The following NFKB1 variants were observed in gnomAD, a reference collection of about 807,000 sequenced individuals.
The protein encoded by NFKB1 is nuclear factor kappa B subunit 1.
NFKB1 carries 9 observed loss-of-function variants against 105.1 expected under a neutral mutation model. The observed-to-expected ratio is 0.09, with a 90% CI of 0.05 to 0.15. The LOEUF (loss-of-function observed/expected upper bound fraction) is 0.15. NFKB1 is among the 10% of genes least tolerant of loss of function. The probability of loss-of-function intolerance (pLI) is 1.00; values close to 1 mark genes in which losing one functional copy is unlikely to be tolerated. For missense variants in NFKB1, 830 were observed against 1,203.7 expected (o/e 0.69, Z 4.59); for synonymous variants, 440 against 442.2 (o/e 1.00, Z 0.06).
chr4:102,613,678 C>T (rs941274357), intron 23 of NFKB1, 97 bp downstream of exon 23: 15 of 1,374,928 alleles, frequency 1.1e-5, no homozygotes, highest in African/African-American at 8.7e-5. Context: ...TTTTCTTTCT[C>T]GTTTTCTGGA....
intron 6 of NFKB1, among the ~76,000 whole-genome samples, chr4:102,573,869 A>G (rs1044700196): frequency 6.6e-5 from 10 of 151,652 alleles, no homozygotes. Flanking sequence ...TGCAATTTCT[A>G]TAGATTTGTT....
chr4:102,572,720 T>TTGGTGGC (rs1724486127), intron 6 of NFKB1, among the ~76,000 whole-genome samples: 1 of 152,230 alleles, frequency 6.6e-6, no homozygotes, highest in Non-Finnish European at 1.5e-5. Flanking sequence ...CATATGTTTG[T>TTGGTGGC]TGGTGGCATG....
intron 3 of NFKB1, among the ~76,000 whole-genome samples, chr4:102,533,563 G>A (rs190131804): frequency 1.3e-5 from 2 of 152,128 alleles, no homozygotes; most frequent in Admixed American, 6.5e-5. Flanking sequence ...AATTCTTGCC[G>A]GCCATATGCC....
intron 1 of NFKB1, among the ~76,000 whole-genome samples, chr4:102,520,682 T>TA (rs67991697): frequency 6.8e-5 from 10 of 147,708 alleles, no homozygotes; most frequent in Non-Finnish European, 1.1e-4. Flanking sequence ...AATCAGCTTT[T>TA]AAAAAAAAAA....
At chr4:102,605,878 G>A (rs924162478) in intron 16 of NFKB1, among the ~76,000 whole-genome samples, 2 of 152,200 alleles carry the variant, frequency 1.3e-5, no homozygotes, top group Non-Finnish European at 2.9e-5. Flanking sequence ...TAGTTTCCAT[G>A]TCAGCATAGA....
chr4:102,587,261 A>G (rs1725785886), intron 11 of NFKB1, among the ~76,000 whole-genome samples: 1 of 152,200 alleles, frequency 6.6e-6, no homozygotes, highest in South Asian at 2.1e-4. Flanking sequence ...GCTTTAATTT[A>G]AACACCCTTC....
chr4:102,504,239 T>G (rs1246736510), intron 1 of NFKB1, among the ~76,000 whole-genome samples: 1 of 152,174 alleles, frequency 6.6e-6, no homozygotes, highest in African/African-American at 2.4e-5. Flanking sequence ...TTAGTAGATG[T>G]GCTATTCTGA....
At position 102,616,886 on chromosome 4, in the gene NFKB1, T is replaced by C. The variant is rs1385984768; in HGVS notation, c.*292T>C. The C allele has an allele frequency of 3.7e-6, 1 of 267,846 alleles. No homozygotes were observed. Among genetic ancestry groups the C allele is most frequent in the Non-Finnish European group, 7.2e-6 (1 of 138,238 alleles). The allele number at this position is 267,846 out of a possible 1,614,324, so 16.6% of individuals were successfully genotyped here. A position where few individuals can be genotyped will look rare whatever the true frequency, so the allele number is the denominator to read the frequency against. On this transcript the variant is annotated 3_prime_UTR_variant, in exon 24 of 24. Coordinates refer to ENST00000226574, the MANE Select transcript of NFKB1 (RefSeq NM_003998.4). ...CCAGCTGCTGCTGGATCACAGCTGCTTTCTGTTGTCATTGCTGTTGTCCCT... is the reference window on the plus strand; with the variant it reads ...CCAGCTGCTGCTGGATCACAGCTGCCTTCTGTTGTCATTGCTGTTGTCCCT...
At chr4:102,588,669 C>A (rs1725921053) in intron 11 of NFKB1, among the ~76,000 whole-genome samples, 1 of 152,056 alleles carries the variant, frequency 6.6e-6, no homozygotes, top group African/African-American at 2.4e-5. Context: ...GTGAATTGAA[C>A]TATTATCTAA....
chr4:102,521,102 T>G (rs1740543116), intron 1 of NFKB1, among the ~76,000 whole-genome samples: 1 of 152,218 alleles, frequency 6.6e-6, no homozygotes, highest in Non-Finnish European at 1.5e-5. Context: ...AACAATCTGT[T>G]ATCAAAGGAC....
intron 5 of NFKB1, among the ~76,000 whole-genome samples, chr4:102,550,396 G>C (rs1411716618): frequency 6.6e-6 from 1 of 152,108 alleles, no homozygotes; most frequent in Non-Finnish European, 1.5e-5. Context: ...TCATTAGGCA[G>C]AGCTACAAAA....
At chr4:102,515,107 A>ATGTTTT (rs1740055969) in intron 1 of NFKB1, among the ~76,000 whole-genome samples, 1 of 95,656 alleles carries the variant, frequency 1.0e-5, no homozygotes, top group Admixed American at 1.4e-4. Flanking sequence ...TATTATTATT[A>ATGTTTT]TTTTTTTTTT....
intron 6 of NFKB1, among the ~76,000 whole-genome samples, chr4:102,567,778 A>T (rs139500554): frequency 6.6e-6 from 1 of 152,346 alleles, no homozygotes; most frequent in Non-Finnish European, 1.5e-5. Flanking sequence ...AGTAATTTCA[A>T]TCCAAAAGAA....
chr4:102,578,800 T>G, intron 7 of NFKB1, 81 bp from the exon 8 acceptor site: 1 of 1,423,662 alleles, frequency 7.0e-7, no homozygotes, highest in Non-Finnish European at 9.6e-7. Context: ...TAAGTTTACA[T>G]TATTTGGGCT....
At chr4:102,549,912 T>A (rs1271568881) in intron 5 of NFKB1, among the ~76,000 whole-genome samples, 1 of 152,296 alleles carries the variant, frequency 6.6e-6, no homozygotes, top group East Asian at 1.9e-4. Context: ...CACCCTGGTA[T>A]AAGCTACCAT....
chr4:102,583,103 C>T (rs547366621), intron 10 of NFKB1, 146 bp downstream of exon 10: 2 of 508,432 alleles, frequency 3.9e-6, no homozygotes, highest in Admixed American at 3.3e-5. Flanking sequence ...TCTCAACCTA[C>T]CAAATATCTG....
chr4:102,602,816 G>A (rs981656391), intron 16 of NFKB1, among the ~76,000 whole-genome samples: 2 of 152,082 alleles, frequency 1.3e-5, no homozygotes, highest in Non-Finnish European at 2.9e-5. Context: ...ACATTTAAAG[G>A]ATGTCTTCTT....
chr4:102,565,011 G>C (rs1275948802), intron 5 of NFKB1, among the ~76,000 whole-genome samples: 1 of 152,176 alleles, frequency 6.6e-6, no homozygotes, highest in East Asian at 1.9e-4. Context: ...TCTATAGAGA[G>C]TATCTAGGGA....
At chr4:102,565,426 C>T (rs1229694402) in intron 5 of NFKB1, among the ~76,000 whole-genome samples, 2 of 152,158 alleles carry the variant, frequency 1.3e-5, no homozygotes, top group Non-Finnish European at 2.9e-5. Flanking sequence ...AATGCCAACT[C>T]TGATCAGCTT....
Sources: allele counts gnomAD v4.1 joint callset (sites outside exome capture counted in the v4.1 genomes callset), GRCh38; gene constraint gnomAD v4.1.1; transcripts MANE v1.5; gene names NCBI Gene and HGNC (gene_info 2026-07-23, HGNC 2026-07-21).